The following NF1 variants were observed in gnomAD, a reference collection of about 807,000 sequenced individuals.
NF1 encodes neurofibromin 1, also known as neurofibromin.
A neutral mutation model predicts 325.7 loss-of-function variants in NF1; 122 were observed. That is an observed-to-expected ratio of 0.37 (90% CI 0.32 to 0.44). NF1 has a LOEUF of 0.44. NF1 is among the 20% of genes least tolerant of loss of function. The pLI is 1.00. For synonymous variants in NF1, 1,091 were observed against 1,186.0 expected (o/e 0.92, Z 1.65); for missense variants, 2,140 against 3,415.4 (o/e 0.63, Z 9.31).
intron 36 of NF1, among the ~76,000 whole-genome samples, chr17:31,275,945 C>T (rs749304881): frequency 1.3e-5 from 2 of 152,148 alleles, no homozygotes; most frequent in Non-Finnish European, 2.9e-5. Flanking sequence ...GACACAGGCT[C>T]ATGCCTGTAA....
chr17:31,225,890 T>C (rs1459581285), intron 17 of NF1, among the ~76,000 whole-genome samples: 2 of 152,248 alleles, frequency 1.3e-5, no homozygotes, highest in Middle Eastern at 3.2e-3. Context: ...TTATCAATTA[T>C]TTTCTCCATT....
intron 27 of NF1, among the ~76,000 whole-genome samples, chr17:31,233,759 T>G (rs2018624): frequency 0.44 from 66,220 of 152,100 alleles, 16,894 homozygotes; most frequent in African/African-American, 0.7. Context: ...TGAGACGGGT[T>G]GTTGTTCCTT....
chr17:31,284,433 T>A (rs1308411144), intron 36 of NF1, among the ~76,000 whole-genome samples: 1 of 152,092 alleles, frequency 6.6e-6, no homozygotes, highest in East Asian at 1.9e-4. Flanking sequence ...AACAGTCATG[T>A]GCTACCATGC....
Position 31,131,935 on chromosome 17 carries a change from G to T in NF1, c.61-24048G>T, listed in dbSNP as rs181200911. Among the ~76,000 whole-genome samples the T allele has an allele frequency of 2.4e-3, 356 of 150,056 alleles. 1 individual carries two copies. The highest frequency in any genetic ancestry group is 0.021 in the Middle Eastern group (6 of 292). ...GTTTTTTTTTCTGTTTGTGTATTTC[G>T]TTTTTATTTTTTTGAGACAGGGTCT... is the stretch of plus-strand genomic sequence containing the variant. On this transcript the variant is annotated intron_variant, in intron 1 of 57. Coordinates refer to ENST00000358273, the MANE Select transcript of NF1 (RefSeq NM_001042492.3).
chr17:31,148,124 G>A (rs976780200), intron 1 of NF1, among the ~76,000 whole-genome samples: 3 of 152,098 alleles, frequency 2.0e-5, no homozygotes, highest in African/African-American at 7.2e-5. Flanking sequence ...TCTTCAAACA[G>A]GTGATTTTTA....
intron 29 of NF1, among the ~76,000 whole-genome samples, chr17:31,243,180 C>CTGTGTGTGTGTGTGTGTG (rs1162406311): frequency 8.2e-4 from 60 of 73,298 alleles, no homozygotes; most frequent in East Asian, 6.4e-3. Context: ...GTCTCTCTCT[C>CTGTGTGTGTGTGTGTGTG]TGTCTGTGTG....
chr17:31,271,352 A>G (rs959395943), intron 36 of NF1, among the ~76,000 whole-genome samples: 2 of 134,246 alleles, frequency 1.5e-5, no homozygotes, highest in East Asian at 2.1e-4. Flanking sequence ...TAGCGAAATG[A>G]CATATTACTA....
chr17:31,097,167 A>G (rs2143168447), intron 1 of NF1, among the ~76,000 whole-genome samples: 1 of 152,320 alleles, frequency 6.6e-6, no homozygotes, highest in South Asian at 2.1e-4. Context: ...TAAGAGAGGA[A>G]TGATTTTGGG....
chr17:31,122,808 C>A (rs1179192982), intron 1 of NF1, among the ~76,000 whole-genome samples: 1 of 152,054 alleles, frequency 6.6e-6, no homozygotes, highest in Admixed American at 6.6e-5. Context: ...TAAAAATAGA[C>A]CAGTGGGTCA....
intron 36 of NF1, chr17:31,296,323 A>G (rs1163502221): frequency 1.9e-6 from 3 of 1,613,994 alleles, no homozygotes; most frequent in South Asian, 2.2e-5. Flanking sequence ...TCAATATCTG[A>G]TATTCCATCA....
chr17:31,117,222 C>T (rs1410986737), intron 1 of NF1, among the ~76,000 whole-genome samples: 2 of 150,090 alleles, frequency 1.3e-5, no homozygotes, highest in Non-Finnish European at 3.0e-5. Flanking sequence ...CTCAGTTGAT[C>T]CTCCTGCCTC....
At chr17:31,149,606 T>C (rs985648932) in intron 1 of NF1, among the ~76,000 whole-genome samples, 3 of 152,146 alleles carry the variant, frequency 2.0e-5, no homozygotes, top group Admixed American at 6.6e-5. Context: ...GATAAGGAAT[T>C]TATTGTAGAA....
At chr17:31,189,333 C>CTT (rs36116260) in intron 8 of NF1, among the ~76,000 whole-genome samples, 1 of 151,934 alleles carries the variant, frequency 6.6e-6, no homozygotes, top group Non-Finnish European at 1.5e-5. Flanking sequence ...TGTCTCCTAG[C>CTT]TTTTTTGGTC....
chr17:31,363,766 T>C (rs540855316), intron 57 of NF1, among the ~76,000 whole-genome samples: 1 of 141,832 alleles, frequency 7.1e-6, no homozygotes, highest in Non-Finnish European at 1.5e-5. Flanking sequence ...TTGGAGACAG[T>C]GTCTCGCTCA....
chr17:31,232,570 G>A (rs2072131), intron 25 of NF1, 130 bp from the exon 26 acceptor site: 3 of 876,320 alleles, frequency 3.4e-6, no homozygotes, highest in Non-Finnish European at 5.5e-6. Context: ...GCTGATTATC[G>A]CGAGAGAGGA....
At chr17:31,258,596 A>G in intron 32 of NF1, 94 bp downstream of exon 32, 3 of 1,293,532 alleles carry the variant, frequency 2.3e-6, no homozygotes, top group Admixed American at 1.9e-5. Context: ...TTATATTTGA[A>G]ATACCCTATG....
chr17:31,134,908 C>T (rs182414064), intron 1 of NF1, among the ~76,000 whole-genome samples: 3 of 152,168 alleles, frequency 2.0e-5, no homozygotes, highest in Admixed American at 1.3e-4. Context: ...CAGAACAACC[C>T]GAATACCAGA....
chr17:31,318,325 A>C, intron 36 of NF1: 1 of 1,609,130 alleles, frequency 6.2e-7, no homozygotes, highest in South Asian at 1.1e-5. Flanking sequence ...TTTGTTAGTA[A>C]GTTTTTCAGT....
At chr17:31,352,178 C>G (rs2151576630) in intron 50 of NF1, 79 bp from the exon 51 acceptor site, 2 of 1,344,418 alleles carry the variant, frequency 1.5e-6, no homozygotes, top group Non-Finnish European at 2.1e-6. Flanking sequence ...GGAAATAGGA[C>G]AGCCACTTGG....
Sources: gnomAD v4.1 joint callset for allele counts (sites outside exome capture counted in the v4.1 genomes callset) on GRCh38, gnomAD v4.1.1 for gene constraint, MANE v1.5 for transcripts, NCBI Gene and HGNC (gene_info 2026-07-23, HGNC 2026-07-21) for gene names.